RORA: variants seen among roughly 807,000 people sequenced by gnomAD.
RORA encodes RAR related orphan receptor A, also known as nuclear receptor ROR-alpha.
Under a neutral mutation model 69.5 loss-of-function variants are expected in RORA, and 7 were observed. The observed-to-expected ratio is 0.10, with a 90% CI of 0.06 to 0.19. RORA has a LOEUF of 0.19. Among genes scored for constraint, RORA ranks in the 10% least tolerant of loss-of-function variants. The pLI, the probability that RORA is intolerant of heterozygous loss-of-function variation, is 1.00. For missense variants in RORA, 457 were observed against 663.0 expected, an observed-to-expected ratio of 0.69 and a Z score of 3.41; for synonymous variants, 261 against 240.8, an observed-to-expected ratio of 1.08 and a Z score of -0.78.
At chr15:60,914,696 GAAGT>G (rs1434898424) in intron 1 of RORA, among the ~76,000 whole-genome samples, 1 of 152,160 alleles carries the variant, frequency 6.6e-6, no homozygotes, top group African/African-American at 2.4e-5. Flanking sequence ...ACTTGACTGG[GAAGT>G]AATCTGTGAA....
At chr15:60,574,199 A>G (rs1395349608) in intron 2 of RORA, among the ~76,000 whole-genome samples, 1 of 152,186 alleles carries the variant, frequency 6.6e-6, no homozygotes, top group Non-Finnish European at 1.5e-5. Context: ...CTGTGATCCT[A>G]GACAGGTTGC....
At chr15:60,957,363 A>G (rs1380926088) in intron 1 of RORA, among the ~76,000 whole-genome samples, 2 of 152,078 alleles carry the variant, frequency 1.3e-5, no homozygotes, top group Non-Finnish European at 1.5e-5. Context: ...GCAGGTGAGG[A>G]CTCCATTGTG....
At chr15:60,973,082 G>A (rs1337335006) in intron 1 of RORA, among the ~76,000 whole-genome samples, 2 of 152,090 alleles carry the variant, frequency 1.3e-5, no homozygotes, top group African/African-American at 4.8e-5. Context: ...AAAAAGTAGA[G>A]GCAGTTTGGT....
intron 2 of RORA, among the ~76,000 whole-genome samples, chr15:60,639,212 T>C (rs926509509): frequency 9.3e-5 from 8 of 85,812 alleles, no homozygotes; most frequent in Non-Finnish European, 1.2e-4. Context: ...CATAAGCAGG[T>C]TTTTGTATTT....
intron 1 of RORA, among the ~76,000 whole-genome samples, chr15:60,995,375 C>A (rs1894502741): frequency 6.6e-6 from 1 of 152,142 alleles, no homozygotes; most frequent in Admixed American, 6.5e-5. Flanking sequence ...TCTCGGCCAG[C>A]GCGAGGCCTC....
intron 1 of RORA, among the ~76,000 whole-genome samples, chr15:60,939,968 T>C (rs1021172496): frequency 6.6e-6 from 1 of 152,230 alleles, no homozygotes; most frequent in African/African-American, 2.4e-5. Flanking sequence ...AGGCCTATCC[T>C]GGTGGTAAAT....
At position 60,806,287 on chromosome 15, in the gene RORA, C is replaced by T. The variant is rs77428639; in HGVS notation, c.167-127601G>A. ...CTAGCAGCTGGCTGGCCAAGGTGCC[C>T]GAGTGAAAAGCACCCACAATTCTGC... On this transcript the variant is annotated intron_variant, in intron 1 of 10. Transcript: ENST00000335670. 1.7e-4 allele frequency among the ~76,000 whole-genome samples: 26 copies of T among 152,228 alleles called. No homozygotes were observed. The East Asian group carries it at 4.8e-3, about 28-fold the overall frequency.
intron 1 of RORA, among the ~76,000 whole-genome samples, chr15:60,687,790 C>T (rs924531808): frequency 1.3e-5 from 2 of 152,286 alleles, no homozygotes; most frequent in African/African-American, 2.4e-5. Flanking sequence ...CTTGCATTCA[C>T]AGATTTTATG....
At chr15:60,907,375 ATGTAAGAGGAGTCAGGAGTCAGG>A (rs531281845) in intron 1 of RORA, among the ~76,000 whole-genome samples, 3 of 152,300 alleles carry the variant, frequency 2.0e-5, no homozygotes, top group Non-Finnish European at 4.4e-5. Context: ...GGAAAGAGCA[ATGTAAGAGGAGTCAGGAGTCAGG>A]GGCCATCCAC....
At chr15:60,650,101 T>C (rs1232758840) in intron 2 of RORA, among the ~76,000 whole-genome samples, 2 of 152,076 alleles carry the variant, frequency 1.3e-5, no homozygotes, top group Non-Finnish European at 2.9e-5. Flanking sequence ...TACAATAAAA[T>C]GGCCTTTAGA....
At chr15:60,559,925 C>T (rs1272559489) in intron 2 of RORA, among the ~76,000 whole-genome samples, 1 of 152,118 alleles carries the variant, frequency 6.6e-6, no homozygotes, top group Non-Finnish European at 1.5e-5. Context: ...TTCCCCTTGA[C>T]TGTTTTATTC....
chr15:60,863,558 G>A (rs1595774925), intron 1 of RORA, among the ~76,000 whole-genome samples: 1 of 152,182 alleles, frequency 6.6e-6, no homozygotes, highest in Non-Finnish European at 1.5e-5. Context: ...AATAAATGGT[G>A]AGGATGGTTT....
chr15:60,614,536 A>G (rs1412683808), intron 2 of RORA, among the ~76,000 whole-genome samples: 1 of 152,204 alleles, frequency 6.6e-6, no homozygotes, highest in African/African-American at 2.4e-5. Context: ...AGAAAGTCCC[A>G]AGAAAAGCAT....
At chr15:60,899,321 C>T (rs970577898) in intron 1 of RORA, among the ~76,000 whole-genome samples, 6 of 152,280 alleles carry the variant, frequency 3.9e-5, no homozygotes, top group African/African-American at 1.4e-4. Context: ...GCACATCATG[C>T]AATAAGCCAA....
intron 3 of RORA, among the ~76,000 whole-genome samples, chr15:60,519,198 A>G (rs1031234874): frequency 6.6e-6 from 1 of 152,188 alleles, no homozygotes. Context: ...CATGACAGTC[A>G]TTTCCAGATC....
At chr15:60,588,887 T>C (rs904635804) in intron 2 of RORA, among the ~76,000 whole-genome samples, 4 of 152,186 alleles carry the variant, frequency 2.6e-5, no homozygotes, top group African/African-American at 9.6e-5. Flanking sequence ...TTGAAATATA[T>C]AAAATCAAGA....
intron 1 of RORA, among the ~76,000 whole-genome samples, chr15:60,805,681 A>T (rs917281119): frequency 6.6e-6 from 1 of 152,210 alleles, no homozygotes; most frequent in South Asian, 2.1e-4. Flanking sequence ...TGGTAGGTCT[A>T]TGAACACTCT....
At chr15:61,093,397 C>A (rs2078738381) in intron 1 of RORA, among the ~76,000 whole-genome samples, 1 of 152,184 alleles carries the variant, frequency 6.6e-6, no homozygotes, top group Non-Finnish European at 1.5e-5. Context: ...ACCAGCCAAA[C>A]AAATGATATA....
At chr15:60,527,572 A>G (rs2066401472) in intron 3 of RORA, among the ~76,000 whole-genome samples, 1 of 152,172 alleles carries the variant, frequency 6.6e-6, no homozygotes, top group Non-Finnish European at 1.5e-5. Flanking sequence ...TTCTTTTCCA[A>G]GAGCTCAGAA....
Sources: allele counts gnomAD v4.1 joint callset (sites outside exome capture counted in the v4.1 genomes callset), GRCh38; gene constraint gnomAD v4.1.1; transcripts MANE v1.5; gene names NCBI Gene and HGNC (gene_info 2026-07-23, HGNC 2026-07-21).